Variants in SGCZ observed in about 807,000 individuals in gnomAD.
SGCZ encodes sarcoglycan zeta.
SGCZ carries 40 observed loss-of-function variants against 41.3 expected under a neutral mutation model. That is an observed-to-expected ratio of 0.97 (90% CI 0.75 to 1.26). SGCZ has a LOEUF of 1.26. SGCZ is among the 50% of genes most tolerant of loss of function. SGCZ has a pLI of 0.00. For missense variants in SGCZ, 552 were observed against 369.8 expected (o/e 1.49, Z -4.04); for synonymous variants, 206 against 137.5 (o/e 1.50, Z -3.49).
chr8:14,412,408 A>G (rs1373872294), intron 2 of SGCZ, among the ~76,000 whole-genome samples: 1 of 152,140 alleles, frequency 6.6e-6, no homozygotes, highest in Non-Finnish European at 1.5e-5. Context: ...GTATGCGTAC[A>G]TTTGAATGTC....
chr8:14,852,222 T>C (rs1224876890), intron 1 of SGCZ, among the ~76,000 whole-genome samples: 1 of 152,202 alleles, frequency 6.6e-6, no homozygotes, highest in East Asian at 1.9e-4. Context: ...AAATAATTTC[T>C]GTAAATATTT....
intron 2 of SGCZ, among the ~76,000 whole-genome samples, chr8:14,359,343 A>C (rs1044824589): frequency 1.3e-5 from 2 of 152,070 alleles, no homozygotes; most frequent in African/African-American, 4.8e-5. Flanking sequence ...TCAACAAAGA[A>C]ATACTGTACT....
chr8:14,405,476 G>A (rs1256466705), intron 2 of SGCZ, among the ~76,000 whole-genome samples: 6 of 151,980 alleles, frequency 3.9e-5, no homozygotes, highest in African/African-American at 1.5e-4. Flanking sequence ...CACATCATCG[G>A]TTATTTAAAT....
At chr8:14,456,239 T>C (rs1278211826) in intron 2 of SGCZ, among the ~76,000 whole-genome samples, 1 of 152,048 alleles carries the variant, frequency 6.6e-6, no homozygotes, top group African/African-American at 2.4e-5. Context: ...TGAAACCCTG[T>C]CTCTACTAAA....
intron 5 of SGCZ, among the ~76,000 whole-genome samples, chr8:14,157,719 T>C (rs962045682): frequency 2.0e-5 from 3 of 152,136 alleles, no homozygotes; most frequent in African/African-American, 7.2e-5. Context: ...AAATAGTTGA[T>C]GCTTCTAGAG....
intron 1 of SGCZ, among the ~76,000 whole-genome samples, chr8:14,912,795 G>A (rs1385911991): frequency 6.6e-6 from 1 of 152,016 alleles, no homozygotes; most frequent in South Asian, 2.1e-4. Flanking sequence ...GAAACTTTGA[G>A]TTAAACAGTA....
At chr8:14,253,944 T>TTA (rs1799375769) in intron 3 of SGCZ, among the ~76,000 whole-genome samples, 1 of 151,908 alleles carries the variant, frequency 6.6e-6, no homozygotes, top group African/African-American at 2.4e-5. Flanking sequence ...GTTCTGCTTT[T>TTA]CATGAAACAT....
At chr8:14,323,380 T>C (rs1801993952) in intron 3 of SGCZ, among the ~76,000 whole-genome samples, 1 of 152,052 alleles carries the variant, frequency 6.6e-6, no homozygotes, top group East Asian at 1.9e-4. Context: ...TTTCCATTAC[T>C]TCTCTCTTAA....
intron 1 of SGCZ, among the ~76,000 whole-genome samples, chr8:14,870,909 TAA>T (rs964633842): frequency 6.6e-6 from 1 of 152,152 alleles, no homozygotes; most frequent in Middle Eastern, 3.4e-3. Context: ...TGGCCATCAT[TAA>T]AAAGTCAGGA....
chr8:14,401,785 T>A (rs868610396), intron 2 of SGCZ, among the ~76,000 whole-genome samples: 3 of 151,010 alleles, frequency 2.0e-5, no homozygotes, highest in Non-Finnish European at 4.4e-5. Flanking sequence ...TGATTTATAG[T>A]CCTTTGGGTA....
Position 14,636,667 on chromosome 8 carries a change from A to G in SGCZ, c.40-81741T>C, listed in dbSNP as rs185773157. ...TGTCTACTTGACGGCTGATGCAAGT[A>G]TCAGAAGCTCAGGAAGGAAGGCATA... On this transcript the variant is annotated intron_variant, in intron 1 of 7. Coordinates refer to ENST00000382080, the MANE Select transcript of SGCZ (RefSeq NM_139167.4). 3.9e-5 allele frequency among the ~76,000 whole-genome samples: 6 copies of G among 151,966 alleles called. No individual in the cohort carries two copies. The South Asian group carries it at 1.2e-3, about 32-fold the overall frequency.
chr8:14,674,927 T>TG (rs1278841618), intron 1 of SGCZ, among the ~76,000 whole-genome samples: 3 of 89,422 alleles, frequency 3.4e-5, no homozygotes, highest in Non-Finnish European at 6.2e-5. Flanking sequence ...TTTTCTTTTC[T>TG]GTTTTTTTTT....
At chr8:14,758,046 A>G (rs1799746370) in intron 1 of SGCZ, among the ~76,000 whole-genome samples, 1 of 152,192 alleles carries the variant, frequency 6.6e-6, no homozygotes, top group South Asian at 2.1e-4. Flanking sequence ...AAAATATTAT[A>G]CCCATTTCCA....
intron 2 of SGCZ, among the ~76,000 whole-genome samples, chr8:14,467,989 A>G (rs970476046): frequency 1.3e-4 from 20 of 152,112 alleles, no homozygotes; most frequent in African/African-American, 4.8e-4. Flanking sequence ...TTTAATATTG[A>G]CCATTTAATA....
intron 1 of SGCZ, among the ~76,000 whole-genome samples, chr8:14,561,548 CT>C (rs1804208437): frequency 6.6e-6 from 1 of 152,096 alleles, no homozygotes; most frequent in Non-Finnish European, 1.5e-5. Flanking sequence ...AACTAGGACC[CT>C]TTTTATTTTA....
intron 1 of SGCZ, among the ~76,000 whole-genome samples, chr8:14,737,244 T>C (rs1799065782): frequency 6.6e-6 from 1 of 151,224 alleles, no homozygotes; most frequent in African/African-American, 2.4e-5. Context: ...TTTCTTAGTA[T>C]CCTATATTGT....
At chr8:15,076,075 C>G (rs909018111) in intron 1 of SGCZ, among the ~76,000 whole-genome samples, 1 of 152,104 alleles carries the variant, frequency 6.6e-6, no homozygotes, top group Non-Finnish European at 1.5e-5. Flanking sequence ...GAAGCCAGGA[C>G]ATATAATAGA....
chr8:14,286,809 T>C (rs73523344), intron 3 of SGCZ, among the ~76,000 whole-genome samples: 6,226 of 152,208 alleles, frequency 0.041, 400 homozygotes, highest in African/African-American at 0.14. Context: ...AAGATACCCA[T>C]AAAATTGTTT....
chr8:14,969,562 C>G (rs796829229), intron 1 of SGCZ, among the ~76,000 whole-genome samples: 1 of 151,946 alleles, frequency 6.6e-6, no homozygotes, highest in African/African-American at 2.4e-5. Flanking sequence ...CAACCCTAAT[C>G]TGCTTGATAA....
Sources: allele counts gnomAD v4.1 joint callset (sites outside exome capture counted in the v4.1 genomes callset), GRCh38; gene constraint gnomAD v4.1.1; transcripts MANE v1.5; gene names NCBI Gene and HGNC (gene_info 2026-07-23, HGNC 2026-07-21).